The following KCND2 variants were observed in gnomAD, a reference collection of about 807,000 sequenced individuals.
KCND2 encodes the protein A-type voltage-gated potassium channel KCND2.
KCND2 carries 16 observed loss-of-function variants against 54.4 expected under a neutral mutation model. The ratio of observed to expected loss-of-function variants is 0.29; its 90% CI spans 0.20 to 0.45. KCND2 has a LOEUF of 0.45. KCND2 is among the 20% of genes least tolerant of loss of function. The pLI is 1.00. For synonymous variants in KCND2, 317 were observed against 310.7 expected (o/e 1.02, Z -0.21); for missense variants, 486 against 824.2 (o/e 0.59, Z 5.02).
chr7:120,647,033 G>A (rs1425462348), intron 1 of KCND2, among the ~76,000 whole-genome samples: 1 of 152,164 alleles, frequency 6.6e-6, no homozygotes, highest in African/African-American at 2.4e-5. Flanking sequence ...TAGGTTGAAA[G>A]TATTTCTTTT....
chr7:120,700,793 G>C (rs1165666858), intron 1 of KCND2, among the ~76,000 whole-genome samples: 1 of 152,146 alleles, frequency 6.6e-6, no homozygotes, highest in Non-Finnish European at 1.5e-5. Context: ...AAAGAGTCAT[G>C]AAAGGGAAGA....
intron 1 of KCND2, among the ~76,000 whole-genome samples, chr7:120,513,792 A>G (rs887416840): frequency 2.0e-5 from 3 of 152,104 alleles, no homozygotes; most frequent in African/African-American, 7.2e-5. Context: ...CACATTTAAT[A>G]TGAAAACATT....
chr7:120,457,163 C>CT (rs940429588), intron 1 of KCND2, among the ~76,000 whole-genome samples: 2 of 152,116 alleles, frequency 1.3e-5, no homozygotes, highest in African/African-American at 2.4e-5. Flanking sequence ...CCCAGGGAAC[C>CT]TTTTTTTCCT....
chr7:120,578,916 TCACACACA>T (rs111758455), intron 1 of KCND2, among the ~76,000 whole-genome samples: 1 of 146,772 alleles, frequency 6.8e-6, no homozygotes, highest in African/African-American at 2.5e-5. Flanking sequence ...AGACCCTGTC[TCACACACA>T]CACACACACA....
chr7:120,546,862 A>G (rs1792048469), intron 1 of KCND2, among the ~76,000 whole-genome samples: 1 of 151,924 alleles, frequency 6.6e-6, no homozygotes, highest in Non-Finnish European at 1.5e-5. Context: ...TATAATGTGT[A>G]TTTCATGCTA....
At chr7:120,506,246 A>G (rs1223314175) in intron 1 of KCND2, among the ~76,000 whole-genome samples, 1 of 151,782 alleles carries the variant, frequency 6.6e-6, no homozygotes, top group African/African-American at 2.4e-5. Flanking sequence ...TGCCAAAAAT[A>G]TGCTAGATGG....
intron 1 of KCND2, among the ~76,000 whole-genome samples, chr7:120,400,121 C>T (rs982014782): frequency 6.6e-6 from 1 of 152,090 alleles, no homozygotes; most frequent in Non-Finnish European, 1.5e-5. Flanking sequence ...TAATGCCTTA[C>T]GGAACAGCAG....
rs58222636 is a variant in KCND2, at chr7:120,503,385, T to TGAGAGAGAGAGAGA, written c.1115+227648_1115+227661dup. On this transcript the variant is annotated intron_variant, in intron 1 of 5. Coordinates refer to ENST00000331113, the MANE Select transcript of KCND2 (RefSeq NM_012281.3). Reference sequence around the variant, plus strand: ...TGAGATTACAAATTAGTCTCTAGAGTGAGAGAGAGAGAGAGAGAGAGAGTT... The same window carrying TGAGAGAGAGAGAGA: ...TGAGATTACAAATTAGTCTCTAGAGTGAGAGAGAGAGAGAGAGAGAGAGAGAGAGAGAGAGAGTT... 4.0e-3 allele frequency among the ~76,000 whole-genome samples: 587 copies of TGAGAGAGAGAGAGA among 146,662 alleles called. 11 individuals are homozygous for TGAGAGAGAGAGAGA. The East Asian group carries it at 0.055, about 14-fold the overall frequency.
chr7:120,336,640 G>A (rs1318411863), intron 1 of KCND2, among the ~76,000 whole-genome samples: 3 of 152,060 alleles, frequency 2.0e-5, no homozygotes, highest in Non-Finnish European at 4.4e-5. Flanking sequence ...TGTAGAGATA[G>A]CATTATTCCA....
chr7:120,520,756 A>G (rs558203447), intron 1 of KCND2, among the ~76,000 whole-genome samples: 29 of 152,282 alleles, frequency 1.9e-4, no homozygotes, highest in African/African-American at 5.5e-4. Flanking sequence ...AAAGGTTTGC[A>G]TGTGTGCATT....
chr7:120,467,762 C>T (rs749227146), intron 1 of KCND2, among the ~76,000 whole-genome samples: 1 of 152,068 alleles, frequency 6.6e-6, no homozygotes, highest in Non-Finnish European at 1.5e-5. Flanking sequence ...ACACAACACA[C>T]GTTCTACTAA....
intron 1 of KCND2, among the ~76,000 whole-genome samples, chr7:120,284,331 C>T (rs1038057180): frequency 7.9e-5 from 12 of 152,030 alleles, no homozygotes; most frequent in Non-Finnish European, 2.9e-5. Flanking sequence ...CAACCATTCG[C>T]TGGTTTCCTT....
chr7:120,576,883 A>C (rs775590665), intron 1 of KCND2, among the ~76,000 whole-genome samples: 2 of 152,188 alleles, frequency 1.3e-5, no homozygotes. Context: ...GCGGTGGCTC[A>C]CACCTGTAAT....
At chr7:120,302,582 A>G (rs1331529046) in intron 1 of KCND2, among the ~76,000 whole-genome samples, 2 of 152,188 alleles carry the variant, frequency 1.3e-5, no homozygotes, top group Non-Finnish European at 2.9e-5. Flanking sequence ...GTATTATTAA[A>G]TAACACATTA....
At chr7:120,448,136 C>T (rs972182091) in intron 1 of KCND2, among the ~76,000 whole-genome samples, 2 of 151,966 alleles carry the variant, frequency 1.3e-5, no homozygotes, top group Non-Finnish European at 2.9e-5. Context: ...CCCATTAACT[C>T]GTCATTTACA....
chr7:120,296,048 A>C (rs886159310), intron 1 of KCND2, among the ~76,000 whole-genome samples: 3 of 152,128 alleles, frequency 2.0e-5, no homozygotes, highest in Non-Finnish European at 4.4e-5. Flanking sequence ...AATCTACAAA[A>C]ATGTGAACAC....
intron 1 of KCND2, among the ~76,000 whole-genome samples, chr7:120,380,847 T>C (rs1299086066): frequency 1.3e-5 from 2 of 152,114 alleles, no homozygotes; most frequent in African/African-American, 4.8e-5. Context: ...TTCATATTTA[T>C]GTGTTATTAA....
At chr7:120,740,863 C>T (rs532510129) in intron 2 of KCND2, 60 of 455,902 alleles carry the variant, frequency 1.3e-4, no homozygotes, top group African/African-American at 1.1e-3. Flanking sequence ...CGTGCGGACC[C>T]GTGCCGGTAG....
intron 1 of KCND2, among the ~76,000 whole-genome samples, chr7:120,490,395 A>C (rs569206401): frequency 3.3e-5 from 5 of 152,176 alleles, no homozygotes; most frequent in Admixed American, 6.6e-5. Flanking sequence ...CAACTCTGAG[A>C]ACTTATTATA....
Sources: allele counts gnomAD v4.1 joint callset (sites outside exome capture counted in the v4.1 genomes callset), GRCh38; gene constraint gnomAD v4.1.1; transcripts MANE v1.5; gene names NCBI Gene and HGNC (gene_info 2026-07-23, HGNC 2026-07-21).